Variants in HRH4 observed in about 807,000 individuals in gnomAD.
The protein encoded by HRH4 is histamine H4 receptor.
A neutral mutation model predicts 10.4 loss-of-function variants in HRH4; 12 were observed. The observed-to-expected ratio is 1.15, with a 90% CI of 0.74 to 1.87. The LOEUF is 1.87. Among genes scored for constraint, HRH4 ranks in the 40% most tolerant of loss-of-function variants. HRH4 has a pLI of 0.00. For synonymous variants in HRH4, 154 were observed against 166.6 expected, an observed-to-expected ratio of 0.92 and a Z score of 0.58; for missense variants, 415 against 453.3, an observed-to-expected ratio of 0.92 and a Z score of 0.77.
In HRH4 at chr18:24,468,829, G is replaced by A. The variant is rs747220498; in HGVS notation, c.235G>A (p.Glu79Lys). Residue 79 changes from glutamate to lysine, a missense_variant, in exon 2 of 3, where the codon GAA becomes AAA. Transcript: ENST00000256906. Reference protein sequence around the residue: ...IPLYIPHTLFEWDFGKEICVF... With the variant: ...IPLYIPHTLFKWDFGKEICVF... ...TTTGTACATCCCTCACACGCTGTTC[G>A]AATGGGATTTTGGAAAGGAAATCTG... is the stretch of plus-strand genomic sequence containing the variant. 4.3e-6 allele frequency: 7 copies of A among 1,614,046 alleles called. No individual in the cohort carries two copies. In the Admixed American group the frequency reaches 6.7e-5, roughly 15 times the overall value.
chr18:24,462,594 G>A (rs1013231278), intron 1 of HRH4, among the ~76,000 whole-genome samples: 4 of 152,124 alleles, frequency 2.6e-5, no homozygotes, highest in African/African-American at 9.7e-5. Context: ...AGAACGGTAC[G>A]GTGCTCTTCA....
In HRH4 at chr18:24,477,191, A is replaced by G; in HGVS notation, c.802A>G (p.Asn268Asp). 6.2e-7 allele frequency: 1 copy of G among 1,614,210 alleles called. No homozygotes were observed. Among genetic ancestry groups the G allele is most frequent in the Non-Finnish European group, 8.5e-7 (1 of 1,180,004 alleles). ...CATGTTTTCCTCAAGAACCAAGATG[A>G]ATAGCAATACAATTGCTTCCAAAAT... ...SLMFSSRTKM[N>D]SNTIASKMGS... Residue 268 changes from asparagine to aspartate, a missense_variant, in exon 3 of 3, where the codon AAT (asparagine) becomes GAT (aspartate). Physicochemically the swap from Asn to Asp is conservative, Grantham distance 23. Coordinates refer to ENST00000256906, the MANE Select transcript of HRH4 (RefSeq NM_021624.4).
At chr18:24,474,874 T>TG (rs1200388325) in intron 2 of HRH4, among the ~76,000 whole-genome samples, 1 of 151,886 alleles carries the variant, frequency 6.6e-6, no homozygotes, top group African/African-American at 2.4e-5. Flanking sequence ...TTGGTGGAGA[T>TG]GGGGTTTCAC....
chr18:24,470,712 C>A (rs1232908107), intron 2 of HRH4, among the ~76,000 whole-genome samples: 6 of 151,318 alleles, frequency 4.0e-5, no homozygotes, highest in Non-Finnish European at 8.8e-5. Flanking sequence ...CCGTGTTGGC[C>A]AGGCTGGTTT....
Position 24,477,393 on chromosome 18 carries a change from C to T in HRH4, c.1004C>T (p.Pro335Leu). 11 of 1,614,094 alleles carry T rather than the reference C, an allele frequency of 6.8e-6. No individual in the cohort carries two copies. The highest frequency in any genetic ancestry group is 2.2e-5 in the South Asian group (2 of 91,066). Reference sequence around the variant, plus strand: ...TCATTTTATTCCTCAGCAACAGGTCCTAAATCAGTTTGGTATAGAATTGCA... The same window carrying T: ...TCATTTTATTCCTCAGCAACAGGTCTTAAATCAGTTTGGTATAGAATTGCA... ...VLSFYSSATG[P>L]KSVWYRIAFW... is the part of the protein sequence containing the mutation. Residue 335 changes from proline to leucine, a missense_variant, in exon 3 of 3, where the codon CCT becomes CTT. Transcript: ENST00000256906.
intron 2 of HRH4, among the ~76,000 whole-genome samples, chr18:24,474,772 T>C (rs1271162823): frequency 6.6e-6 from 1 of 151,786 alleles, no homozygotes. Context: ...CTGAAACCTC[T>C]GCCTCCCTGG....
chr18:24,464,931 A>C (rs1247900269), intron 1 of HRH4, among the ~76,000 whole-genome samples: 1 of 152,104 alleles, frequency 6.6e-6, no homozygotes, highest in Non-Finnish European at 1.5e-5. Context: ...AGAGGAGGGA[A>C]AGGGAGTGTG....
intron 2 of HRH4, among the ~76,000 whole-genome samples, chr18:24,470,501 A>ATTTTTTTTTTTTTTT (rs200257355): frequency 1.5e-5 from 2 of 129,880 alleles, no homozygotes; most frequent in Non-Finnish European, 3.2e-5. Flanking sequence ...TTGTTTCTCT[A>ATTTTTTTTTTTTTTT]TTTTTTTTTT....
rs186266293 is a variant in HRH4 at position 24,462,784 on chromosome 18, A to G, written c.193+1863A>G. On this transcript the variant is annotated intron_variant, in intron 1 of 2. Transcript: ENST00000256906. ...CACTGTCTCCACATTTGTTTCCTCA[A>G]TTCTGTCCCTTCAGGTAACCAACAT... 1.6e-3 allele frequency among the ~76,000 whole-genome samples: 245 copies of G among 152,288 alleles called. 1 individual carries two copies. The highest frequency in any genetic ancestry group is 0.01 in the Middle Eastern group (3 of 294).
At chr18:24,468,270 G>C (rs1220028325) in intron 1 of HRH4, among the ~76,000 whole-genome samples, 1 of 152,124 alleles carries the variant, frequency 6.6e-6, no homozygotes. Context: ...ACGAACTCCT[G>C]TCCTGAAGTG....
At chr18:24,469,915 A>C (rs1297461443) in intron 2 of HRH4, among the ~76,000 whole-genome samples, 1 of 151,540 alleles carries the variant, frequency 6.6e-6, no homozygotes, top group African/African-American at 2.4e-5. Context: ...CCCTCCTCCC[A>C]CCCACCACCC....
Position 24,477,566 on chromosome 18 carries a change from C to G in HRH4, c.*4C>G. On this transcript the variant is annotated 3_prime_UTR_variant, in exon 3 of 3. Transcript: ENST00000256906. ...CAGTCGGTCAGTATCTTCTTAAAGA[C>G]AATTTTCTCACCTCTGTAAATTTTA... is the stretch of plus-strand genomic sequence containing the variant. 6.5e-7 allele frequency: 1 copy of G among 1,540,680 alleles called. No individual in the cohort carries two copies. The highest frequency in any genetic ancestry group is 8.7e-7 in the Non-Finnish European group (1 of 1,145,028).
chr18:24,479,618 A>AT lies in HRH4; in HGVS notation c.*2062dup, dbSNP rs1251851802. Reference sequence around the variant, plus strand: ...CACTTGCCACCACGCCCCACTAAAAATTTTTTAAATTGTTGCCTTTCTTGA... The same window carrying AT: ...CACTTGCCACCACGCCCCACTAAAAATTTTTTTAAATTGTTGCCTTTCTTGA... On this transcript the variant is annotated 3_prime_UTR_variant, in exon 3 of 3. Transcript: ENST00000256906. 3 of 152,126 alleles carry AT rather than the reference A, an allele frequency of 2.0e-5. No homozygotes were observed. Among genetic ancestry groups the AT allele is most frequent in the Non-Finnish European group, 4.4e-5 (3 of 68,024 alleles). 9.4% of individuals were successfully genotyped at this position (152,126 alleles called of 1,614,324 possible).
intron 2 of HRH4, among the ~76,000 whole-genome samples, chr18:24,470,396 C>T (rs765752879): frequency 6.6e-6 from 1 of 152,042 alleles, no homozygotes; most frequent in Non-Finnish European, 1.5e-5. Context: ...AATGTGCCAT[C>T]GTAGCCCCCA....
At chr18:24,463,824 G>A (rs1039761997) in intron 1 of HRH4, among the ~76,000 whole-genome samples, 5 of 152,110 alleles carry the variant, frequency 3.3e-5, no homozygotes, top group Non-Finnish European at 2.9e-5. Flanking sequence ...TAGCTATACC[G>A]GACGTTATAT....
At chr18:24,467,870 G>C (rs1231486151) in intron 1 of HRH4, among the ~76,000 whole-genome samples, 3 of 152,134 alleles carry the variant, frequency 2.0e-5, no homozygotes, top group African/African-American at 7.2e-5. Context: ...TAGAAGACAG[G>C]TGGACATTTT....
At position 24,468,875 on chromosome 18, in the gene HRH4, ACTAT is replaced by A; in HGVS notation, c.284_287del (p.Tyr95CysfsTer35). 1 of 1,613,594 alleles carries A rather than the reference ACTAT, an allele frequency of 6.2e-7. No individual in the cohort carries two copies. The highest frequency in any genetic ancestry group is 8.5e-7 in the Non-Finnish European group (1 of 1,179,646). On this transcript the variant is annotated frameshift_variant, in exon 2 of 3. Coordinates refer to ENST00000256906, the MANE Select transcript of HRH4 (RefSeq NM_021624.4). LOFTEE classifies it high-confidence loss of function. ...ATCTGTGTATTTTGGCTCACTACTG[ACTAT>A]CTGTTATGTACAGCATCTGTATATA... is the stretch of plus-strand genomic sequence containing the variant.
chr18:24,471,230 T>C (rs1909939836), intron 2 of HRH4, among the ~76,000 whole-genome samples: 1 of 152,086 alleles, frequency 6.6e-6, no homozygotes, highest in Non-Finnish European at 1.5e-5. Flanking sequence ...TTCAAACTGC[T>C]GGCCTTGACC....
Position 24,468,963 on chromosome 18 carries a change from C to T in HRH4, c.357+12C>T, listed in dbSNP as rs1909860111. ...CAGTCTCAAATGCTGTAAGTCGAAA[C>T]ATTAATTTATCCCCCTTAGAAGATT... On this transcript the variant is annotated intron_variant, in intron 2 of 2. Transcript: ENST00000256906. 6.3e-7 allele frequency: 1 copy of T among 1,579,914 alleles called. No individual in the cohort carries two copies. Among genetic ancestry groups the T allele is most frequent in the African/African-American group, 1.4e-5 (1 of 73,536 alleles).
Sources: allele counts gnomAD v4.1 joint callset (sites outside exome capture counted in the v4.1 genomes callset), GRCh38; gene constraint gnomAD v4.1.1; transcripts MANE v1.5; gene names NCBI Gene and HGNC (gene_info 2026-07-23, HGNC 2026-07-21).